The following CCNB1 variants were observed in gnomAD, a reference collection of about 807,000 sequenced individuals.
CCNB1 encodes G2/mitotic-specific cyclin-B1.
CCNB1 carries 26 observed loss-of-function variants against 44.4 expected under a neutral mutation model. The observed-to-expected ratio is 0.59, with a 90% CI of 0.43 to 0.81. CCNB1 has a LOEUF of 0.81. CCNB1 is among the 40% of genes least tolerant of loss of function. The pLI is 0.00. For missense variants in CCNB1, 477 were observed against 520.9 expected (o/e 0.92, Z 0.82); for synonymous variants, 195 against 181.4 (o/e 1.08, Z -0.60).
intron 4 of CCNB1, 64 bp downstream of exon 4, chr5:69,171,516 A>G (rs546247897): frequency 2.0e-5 from 23 of 1,173,444 alleles, no homozygotes; most frequent in South Asian, 1.3e-4. Context: ...TTTTCCATCA[A>G]TAGTTTATAA....
In CCNB1 at chr5:69,175,509, C is replaced by G. The variant is rs1367646360; in HGVS notation, c.1055C>G (p.Ala352Gly). The G allele has an allele frequency of 1.2e-6, 2 of 1,614,096 alleles. No homozygotes were observed. The highest frequency in any genetic ancestry group is 4.5e-5 in the East Asian group (2 of 44,872). The change falls in exon 7 of 9, where the codon GCA becomes GGA. Residue 352 changes from alanine to glycine, a missense_variant. Physicochemically the swap from Ala to Gly is moderately conservative, Grantham distance 60. Coordinates refer to ENST00000256442, the MANE Select transcript of CCNB1 (RefSeq NM_031966.4). The stretch of plus-strand genomic sequence containing the variant: ...ATTGCAGCAGGAGCTTTTTGCTTAG[C>G]ACTGAAAATTCTGGATAATGGTGAA... The part of the protein sequence containing the change: ...SQIAAGAFCL[A>G]LKILDNGEWT...
At chr5:69,175,574 T>G in intron 7 of CCNB1, 37 bp downstream of exon 7, 2 of 1,593,900 alleles carry the variant, frequency 1.3e-6, no homozygotes, top group Non-Finnish European at 1.7e-6. Flanking sequence ...AGCTTTTAAA[T>G]TTTAAAGAGT....
chr5:69,175,775 C>T (rs1266488010), intron 7 of CCNB1, among the ~76,000 whole-genome samples: 2 of 151,906 alleles, frequency 1.3e-5, no homozygotes. Context: ...CATCAGCCTC[C>T]AGAGTAGCTG....
rs775834220 is a variant in CCNB1, at chr5:69,171,386, T to C, written c.480T>C (p.Asp160=). Residue 160 remains aspartate (D), a synonymous_variant, in exon 4 of 9, where the codon GAT becomes GAC. Transcript: ENST00000256442. ...ILAVNDVDAE[D]GADPNLCSEY... ...CAGTAAATGATGTGGATGCAGAAGA[T>C]GGAGCTGATCCAAACCTTTGTAGTG... 6.2e-6 allele frequency: 10 copies of C among 1,614,124 alleles called. No homozygotes were observed. The highest frequency in any genetic ancestry group is 8.5e-6 in the Non-Finnish European group (10 of 1,179,968).
At position 69,168,289 on chromosome 5, in the gene CCNB1, T is replaced by C. The variant is rs147065029; in HGVS notation, c.309T>C (p.Pro103=). Residue 103 remains proline, a synonymous_variant, in exon 3 of 9, where the codon CCT becomes CCC. Coordinates refer to ENST00000256442, the MANE Select transcript of CCNB1 (RefSeq NM_031966.4). ...PVSEPVPEPE[P]EPEPEPVKEE... is the part of the protein sequence containing the mutation. ...CTGAGCCAGTGCCAGAGCCAGAACC[T>C]GAGCCAGAACCTGAGCCTGTTAAAG... is the stretch of plus-strand genomic sequence containing the variant. 1.2e-6 allele frequency: 2 copies of C among 1,613,120 alleles called. No individual in the cohort carries two copies. Among genetic ancestry groups the C allele is most frequent in the Non-Finnish European group, 1.7e-6 (2 of 1,179,644 alleles).
At position 69,168,077 on chromosome 5, in the gene CCNB1, A is replaced by C; in HGVS notation, c.191A>C (p.Lys64Thr). 1.9e-6 allele frequency: 3 copies of C among 1,613,320 alleles called. No individual in the cohort carries two copies. The highest frequency in any genetic ancestry group is 2.5e-6 in the Non-Finnish European group (3 of 1,179,676). The part of the protein sequence containing the change: ...EQLQAKMPMK[K>T]EAKPSATGKV... ...CTGCAGGCCAAAATGCCTATGAAGA[A>C]GGTAACTCTCTTCCTGACCTAACTT... Residue 64 changes from lysine to threonine, a missense_variant and splice_region_variant, in exon 2 of 9, where the codon AAG (lysine) becomes ACG (threonine). By Grantham distance (78) the Lys-to-Thr change is moderately conservative. Transcript: ENST00000256442.
chr5:69,167,981 C>T lies in CCNB1; in HGVS notation c.95C>T (p.Ala32Val). ...GCAAAGCGCGTTCCTACGGCCCCTG[C>T]TGCAACCTCCAAGCCCGGACTGAGG... ...AGAKRVPTAP[A>V]ATSKPGLRPR... The change falls in exon 2 of 9, where the codon GCT becomes GTT. Residue 32 changes from alanine (A) to valine (V), a missense_variant. Coordinates refer to ENST00000256442, the MANE Select transcript of CCNB1 (RefSeq NM_031966.4). The T allele has an allele frequency of 1.9e-6, 3 of 1,614,212 alleles. No homozygotes were observed. Among genetic ancestry groups the T allele is most frequent in the Non-Finnish European group, 2.5e-6 (3 of 1,180,028 alleles).
chr5:69,175,075 C>G lies in CCNB1; in HGVS notation c.904C>G (p.Pro302Ala). The G allele has an allele frequency of 6.2e-7, 1 of 1,614,056 alleles. No homozygotes were observed. The highest frequency in any genetic ancestry group is 1.1e-5 in the South Asian group (1 of 91,090). ...ALNFGLGRPL[P>A]LHFLRRASKI... is the part of the protein sequence containing the mutation. Reference sequence around the variant, plus strand: ...AAACTTTGGTCTGGGTCGGCCTCTACCTTTGCACTTCCTTCGGAGAGCATC... The same window carrying G: ...AAACTTTGGTCTGGGTCGGCCTCTAGCTTTGCACTTCCTTCGGAGAGCATC... The change falls in exon 6 of 9, where the codon CCT becomes GCT. Residue 302 changes from proline (P) to alanine (A), a missense_variant. Coordinates refer to ENST00000256442, the MANE Select transcript of CCNB1 (RefSeq NM_031966.4).
chr5:69,176,309 T>C (rs182349135), intron 7 of CCNB1, among the ~76,000 whole-genome samples: 1 of 151,820 alleles, frequency 6.6e-6, no homozygotes, highest in East Asian at 1.9e-4. Flanking sequence ...TTCATTCATA[T>C]TCATTGATTC....
intron 7 of CCNB1, 81 bp downstream of exon 7, chr5:69,175,618 A>G (rs1305795529): frequency 7.6e-7 from 1 of 1,311,734 alleles, no homozygotes; most frequent in Non-Finnish European, 1.1e-6. Context: ...TTAAAAGGCA[A>G]TTCAAGTGGT....
At position 69,168,296 on chromosome 5, in the gene CCNB1, G is replaced by A; in HGVS notation, c.316G>A (p.Glu106Lys). 1.9e-6 allele frequency: 3 copies of A among 1,614,214 alleles called. No individual in the cohort carries two copies. The highest frequency in any genetic ancestry group is 2.5e-6 in the Non-Finnish European group (3 of 1,180,044). The change falls in exon 3 of 9, where the codon GAA becomes AAA. Residue 106 changes from glutamate to lysine, a missense_variant. By Grantham distance (56) the Glu-to-Lys change is moderately conservative (BLOSUM62 1). Transcript: ENST00000256442. ...EPVPEPEPEPEPEPVKEEKLS... is the reference protein window; with the variant it reads ...EPVPEPEPEPKPEPVKEEKLS... Reference sequence around the variant, plus strand: ...AGTGCCAGAGCCAGAACCTGAGCCAGAACCTGAGCCTGTTAAAGAAGAAAA... The same window carrying A: ...AGTGCCAGAGCCAGAACCTGAGCCAAAACCTGAGCCTGTTAAAGAAGAAAA...
intron 3 of CCNB1, among the ~76,000 whole-genome samples, chr5:69,169,525 A>G (rs1166625467): frequency 6.6e-6 from 1 of 152,164 alleles, no homozygotes; most frequent in Admixed American, 6.6e-5. Context: ...TTTCCCACTT[A>G]GTAAGAATGC....
At chr5:69,175,169 C>A in intron 6 of CCNB1, 56 bp downstream of exon 6, 1 of 1,306,814 alleles carries the variant, frequency 7.7e-7, no homozygotes, top group Non-Finnish European at 1.1e-6. Flanking sequence ...AACACTGCTG[C>A]TGACCAAGCA....
intron 4 of CCNB1, among the ~76,000 whole-genome samples, chr5:69,172,712 T>A (rs961201477): frequency 6.6e-6 from 1 of 151,962 alleles, no homozygotes; most frequent in Non-Finnish European, 1.5e-5. Flanking sequence ...ATCTTTCTAG[T>A]GCTTTTTAAA....
At chr5:69,177,177 C>A (rs1452426232) in intron 7 of CCNB1, 62 bp from the exon 8 acceptor site, 2 of 923,358 alleles carry the variant, frequency 2.2e-6, no homozygotes, top group Non-Finnish European at 3.5e-6. Context: ...CATCTAACAT[C>A]TAGAAACTTT....
intron 1 of CCNB1, 97 bp from the exon 2 acceptor site, chr5:69,167,811 T>C: frequency 8.6e-7 from 1 of 1,157,838 alleles, no homozygotes; most frequent in Non-Finnish European, 1.2e-6. Flanking sequence ...TAGTCGGCTT[T>C]CTTTCTGGGA....
At chr5:69,174,578 T>C (rs919447783) in intron 5 of CCNB1, among the ~76,000 whole-genome samples, 169 bp downstream of exon 5, 2 of 151,974 alleles carry the variant, frequency 1.3e-5, no homozygotes, top group South Asian at 2.1e-4. Context: ...TAAAACCCTG[T>C]CTCTACTAAA....
At chr5:69,168,764 A>G (rs1223643775) in intron 3 of CCNB1, among the ~76,000 whole-genome samples, 2 of 152,214 alleles carry the variant, frequency 1.3e-5, no homozygotes, top group Non-Finnish European at 2.9e-5. Flanking sequence ...TAAACATAGA[A>G]TGTTCTCTTG....
chr5:69,175,238 CTTTAT>C, intron 6 of CCNB1, 125 bp downstream of exon 6: 2 of 1,036,034 alleles, frequency 1.9e-6, no homozygotes, highest in South Asian at 1.5e-5. Context: ...TAAAGTTGTT[CTTTAT>C]TTCTAGTCAG....
Sources: allele counts gnomAD v4.1 joint callset (sites outside exome capture counted in the v4.1 genomes callset), GRCh38; gene constraint gnomAD v4.1.1; transcripts MANE v1.5; gene names NCBI Gene and HGNC (gene_info 2026-07-23, HGNC 2026-07-21).